CUL2: variants seen among roughly 807,000 people sequenced by gnomAD.
CUL2 encodes the protein cullin 2.
CUL2 carries 22 observed loss-of-function variants against 110.2 expected under a neutral mutation model. The observed-to-expected ratio is 0.20, with a 90% confidence interval of 0.14 to 0.28. CUL2 has a LOEUF of 0.28. CUL2 is among the 10% of genes least tolerant of loss of function. CUL2 has a pLI of 1.00. For missense variants in CUL2, 631 were observed against 905.5 expected (o/e 0.70, Z 3.89); for synonymous variants, 279 against 293.2 (o/e 0.95, Z 0.49).
intron 1 of CUL2, among the ~76,000 whole-genome samples, chr10:35,083,800 C>G (rs1453353992): frequency 6.6e-6 from 1 of 152,150 alleles, no homozygotes; most frequent in Non-Finnish European, 1.5e-5. Context: ...CCAAGGAGTT[C>G]AAAACCAGCC....
intron 4 of CUL2, among the ~76,000 whole-genome samples, chr10:35,056,337 A>C (rs1261790792): frequency 2.6e-5 from 4 of 152,246 alleles, no homozygotes; most frequent in African/African-American, 9.6e-5. Flanking sequence ...CATGAATACC[A>C]GGAAATAAAA....
chr10:35,043,492 T>TC (rs1712895424), intron 8 of CUL2, among the ~76,000 whole-genome samples: 4 of 152,156 alleles, frequency 2.6e-5, no homozygotes, highest in African/African-American at 9.7e-5. Flanking sequence ...CAACAGTGTA[T>TC]CGGTAAGCAC....
chr10:35,033,981 G>A (rs562500719), intron 10 of CUL2, among the ~76,000 whole-genome samples: 1 of 152,302 alleles, frequency 6.6e-6, no homozygotes, highest in African/African-American at 2.4e-5. Context: ...CTGAGAGAAA[G>A]GAGAGTTAAA....
chr10:35,086,008 G>C (rs2087055613), intron 1 of CUL2, among the ~76,000 whole-genome samples: 1 of 151,974 alleles, frequency 6.6e-6, no homozygotes, highest in South Asian at 2.1e-4. Context: ...TAAAATGAAA[G>C]TTGAAAAAGA....
At chr10:35,068,064 C>T (rs1174406557) in intron 2 of CUL2, among the ~76,000 whole-genome samples, 4 of 146,490 alleles carry the variant, frequency 2.7e-5, no homozygotes, top group Non-Finnish European at 4.5e-5. Context: ...GAGCCGAGAT[C>T]GAGCCACTGC....
intron 2 of CUL2, among the ~76,000 whole-genome samples, chr10:35,065,851 C>T (rs1189226999): frequency 1.3e-5 from 2 of 152,078 alleles, no homozygotes; most frequent in African/African-American, 2.4e-5. Context: ...GAGCGAGACA[C>T]CATCTCAAAA....
At chr10:35,033,603 G>A (rs1026359729) in intron 10 of CUL2, among the ~76,000 whole-genome samples, 1 of 152,020 alleles carries the variant, frequency 6.6e-6, no homozygotes, top group African/African-American at 2.4e-5. Flanking sequence ...CAGACGTGGT[G>A]GCGTCCACCT....
intron 17 of CUL2, among the ~76,000 whole-genome samples, chr10:35,023,541 T>G (rs555161687): frequency 6.6e-6 from 1 of 152,136 alleles, no homozygotes; most frequent in Non-Finnish European, 1.5e-5. Flanking sequence ...CAAACTAAAT[T>G]CCAATGGCTA....
At chr10:35,042,038 C>T (rs552532958) in intron 8 of CUL2, among the ~76,000 whole-genome samples, 148 of 152,196 alleles carry the variant, frequency 9.7e-4, no homozygotes, top group African/African-American at 3.4e-3. Flanking sequence ...TTACATTAGC[C>T]ATTTTTATGT....
intron 4 of CUL2, among the ~76,000 whole-genome samples, chr10:35,060,129 T>C (rs944769291): frequency 6.6e-6 from 1 of 152,070 alleles, no homozygotes; most frequent in Non-Finnish European, 1.5e-5. Flanking sequence ...GGCATGGCGG[T>C]GCACACCTGT....
At chr10:35,089,351 T>C (rs1461442023) in intron 1 of CUL2, among the ~76,000 whole-genome samples, 1 of 152,194 alleles carries the variant, frequency 6.6e-6, no homozygotes, top group Non-Finnish European at 1.5e-5. Flanking sequence ...TTTTAAGCGA[T>C]TATTATGTAG....
chr10:35,062,866 G>C, intron 3 of CUL2, 94 bp downstream of exon 3: 1 of 729,972 alleles, frequency 1.4e-6, no homozygotes, highest in Non-Finnish European at 2.3e-6. Context: ...AGCAAAACAA[G>C]CTGACCTTGA....
chr10:35,062,490 G>A (rs1160084193), intron 3 of CUL2, among the ~76,000 whole-genome samples: 3 of 152,154 alleles, frequency 2.0e-5, no homozygotes, highest in South Asian at 2.1e-4. Context: ...TACTAATTAC[G>A]AGATGCTGAG....
At chr10:35,036,760 G>A (rs1267267756) in intron 9 of CUL2, among the ~76,000 whole-genome samples, 2 of 152,040 alleles carry the variant, frequency 1.3e-5, no homozygotes, top group African/African-American at 2.4e-5. Flanking sequence ...TTGAGACAGG[G>A]TCTTACTCTG....
At chr10:35,027,795 T>C (rs1181049362) in intron 16 of CUL2, among the ~76,000 whole-genome samples, 1 of 152,128 alleles carries the variant, frequency 6.6e-6, no homozygotes, top group African/African-American at 2.4e-5. Context: ...ACAATTCAAA[T>C]GGAGAGAATA....
Position 35,025,143 on chromosome 10 carries a change from T to C in CUL2, c.1673A>G (p.Tyr558Cys), listed in dbSNP as rs1471115577. The stretch of plus-strand genomic sequence containing the variant: ...TAAATGCATTTTACCTGTACACAGA[T>C]AATGTAACCATGTAAGTTTCCTTCC... Reference protein sequence around the residue: ...FSGRKLTWLHYLCTGEVKMNY... With the variant: ...FSGRKLTWLHCLCTGEVKMNY... The change falls in exon 17 of 21, where the codon TAT (tyrosine) becomes TGT (cysteine). Residue 558 changes from tyrosine to cysteine, a missense_variant. By Grantham distance (194) the Tyr-to-Cys change is radical. Transcript: ENST00000374749. The C allele has an allele frequency of 1.3e-6, 2 of 1,572,130 alleles. No individual in the cohort carries two copies. Among genetic ancestry groups the C allele is most frequent in the Non-Finnish European group, 1.7e-6 (2 of 1,164,524 alleles).
intron 1 of CUL2, among the ~76,000 whole-genome samples, chr10:35,107,254 A>G (rs535653184): frequency 5.3e-5 from 8 of 152,050 alleles, no homozygotes; most frequent in East Asian, 2.0e-4. Context: ...GATTACAGGC[A>G]TGAGCCACCG....
Position 35,043,570 on chromosome 10 carries a change from T to C in CUL2, c.714+996A>G, listed in dbSNP as rs539203771. 3.3e-5 allele frequency among the ~76,000 whole-genome samples: 5 copies of C among 152,272 alleles called. No homozygotes were observed. The South Asian group carries it at 1.0e-3, about 32-fold the overall frequency. ...TCACCCACTTAAACTACTCGACCTTTCTTGGCTACATAAACTAACACAAAC... is the reference window on the plus strand; with the variant it reads ...TCACCCACTTAAACTACTCGACCTTCCTTGGCTACATAAACTAACACAAAC... On this transcript the variant is annotated intron_variant, in intron 8 of 20. Transcript: ENST00000374749.
upstream of CUL2, among the ~76,000 whole-genome samples, chr10:35,095,411 T>C (rs2087282203): frequency 6.6e-6 from 1 of 152,148 alleles, no homozygotes; most frequent in African/African-American, 2.4e-5. Context: ...TGGGTTGATG[T>C]ACATAACTCA....
Sources: gnomAD v4.1 joint callset for allele counts (sites outside exome capture counted in the v4.1 genomes callset) on GRCh38, gnomAD v4.1.1 for gene constraint, MANE v1.5 for transcripts, NCBI Gene and HGNC (gene_info 2026-07-23, HGNC 2026-07-21) for gene names.